The following RBFOX3 variants were observed in gnomAD, a reference collection of about 807,000 sequenced individuals.
The protein encoded by RBFOX3 is RNA binding protein fox-1 homolog 3.
RBFOX3 carries 17 observed loss-of-function variants against 48.7 expected under a neutral mutation model. That is an observed-to-expected ratio of 0.35 (90% CI 0.24 to 0.52). The LOEUF (loss-of-function observed/expected upper bound fraction) is 0.52, where lower values mean the gene tolerates loss of function less well. Ranked by LOEUF, RBFOX3 falls within the 20% of genes least tolerant of loss-of-function variation. The pLI is 0.94. For synonymous variants in RBFOX3, 212 were observed against 209.5 expected (o/e 1.01, Z -0.10); for missense variants, 382 against 497.5 (o/e 0.77, Z 2.21).
intron 1 of RBFOX3, among the ~76,000 whole-genome samples, chr17:79,578,411 T>C (rs906463978): frequency 6.6e-6 from 1 of 152,386 alleles, no homozygotes; most frequent in South Asian, 2.1e-4. Flanking sequence ...GCAGGCTCCC[T>C]GCACATCCTC....
At chr17:79,349,121 T>A (rs982685020) in intron 2 of RBFOX3, among the ~76,000 whole-genome samples, 2 of 151,838 alleles carry the variant, frequency 1.3e-5, no homozygotes, top group African/African-American at 4.8e-5. Context: ...TCCTTCCCCA[T>A]CCCCACGCCT....
At chr17:79,271,237 T>A (rs1277988259) in intron 3 of RBFOX3, among the ~76,000 whole-genome samples, 9 of 152,094 alleles carry the variant, frequency 5.9e-5, no homozygotes, top group Admixed American at 2.6e-4. Flanking sequence ...CACCATGCCC[T>A]GCTAATTTTT....
chr17:79,131,100 G>A lies in RBFOX3; in HGVS notation c.-33-15352C>T, dbSNP rs376905448. The stretch of plus-strand genomic sequence containing the variant: ...GTGTCCCGTGTGTGCTGTGTGCCCC[G>A]TGTGTGCACATGTGCGCCCCGTGTG... On this transcript the variant is annotated intron_variant, in intron 4 of 14. Coordinates refer to ENST00000693108, the MANE Select transcript of RBFOX3 (RefSeq NM_001350451.2). Among the ~76,000 whole-genome samples, 156 of 151,904 alleles carry A rather than the reference G, an allele frequency of 1.0e-3. 4 individuals carry two copies. In the East Asian group the frequency reaches 0.023, roughly 23 times the overall value.
chr17:79,287,432 G>C (rs6501295), intron 3 of RBFOX3, among the ~76,000 whole-genome samples: 76,185 of 152,040 alleles, frequency 0.5, 19,384 homozygotes, highest in East Asian at 0.56. Flanking sequence ...GGGGTAGAGT[G>C]GGGTGTTGAT....
At position 79,392,025 on chromosome 17, in the gene RBFOX3, G is replaced by A. The variant is rs779095120; in HGVS notation, c.-174-84201C>T. ...CCCCGCGATGGTCAGGCTTTCTGCC[G>A]TCTTGGAAACAGACACCGACAAGCA... On this transcript the variant is annotated intron_variant, in intron 2 of 14. Coordinates refer to ENST00000693108, the MANE Select transcript of RBFOX3 (RefSeq NM_001350451.2). The surrounding 1 kb of genome is among the most constrained non-coding windows in gnomAD (Gnocchi z 5.0). Among the ~76,000 whole-genome samples, 3 of 152,178 alleles carry A rather than the reference G, an allele frequency of 2.0e-5. No individual in the cohort carries two copies. The highest frequency in any genetic ancestry group is 4.4e-5 in the Non-Finnish European group (3 of 68,044).
intron 4 of RBFOX3, among the ~76,000 whole-genome samples, chr17:79,162,027 C>T (rs1458038741): frequency 2.0e-5 from 3 of 152,118 alleles, no homozygotes; most frequent in South Asian, 2.1e-4. Flanking sequence ...ATTACAAAAC[C>T]GCTCACAGAC....
intron 2 of RBFOX3, among the ~76,000 whole-genome samples, chr17:79,425,634 C>G (rs935634653): frequency 6.6e-6 from 1 of 152,260 alleles, no homozygotes; most frequent in African/African-American, 2.4e-5. Context: ...CACTTGGGAT[C>G]AACCTTGGGG....
intron 1 of RBFOX3, among the ~76,000 whole-genome samples, chr17:79,498,287 CAGA>C (rs1328432145): frequency 7.9e-5 from 12 of 152,166 alleles, no homozygotes; most frequent in African/African-American, 2.9e-4. Flanking sequence ...TACAATCCAA[CAGA>C]AGAATTCTGG....
Position 79,097,277 on chromosome 17 carries a change from G to T in RBFOX3, c.755+15C>A, listed in dbSNP as rs1424340282. The T allele has an allele frequency of 1.7e-6, 2 of 1,201,714 alleles. No homozygotes were observed. The highest frequency in any genetic ancestry group is 2.1e-6 in the Non-Finnish European group (2 of 933,874). The allele number at this position is 1,201,714 out of a possible 1,614,324, so 74.4% of individuals were successfully genotyped here. Reference sequence around the variant, plus strand: ...CTACCCCCTCCTCCACGCCTCCCCCGGCCCAGGTACTCACGCTCCGTAAGT... The same window carrying T: ...CTACCCCCTCCTCCACGCCTCCCCCTGCCCAGGTACTCACGCTCCGTAAGT... On this transcript the variant is annotated intron_variant, in intron 11 of 14. Transcript: ENST00000693108.
chr17:79,514,188 G>A (rs998483834), intron 1 of RBFOX3, among the ~76,000 whole-genome samples: 18 of 152,268 alleles, frequency 1.2e-4, no homozygotes, highest in South Asian at 4.1e-4. Context: ...CAGAAAACGC[G>A]GCCAACACTC....
the RBFOX3 span, among the ~76,000 whole-genome samples, chr17:79,642,097 T>G: frequency 2.8e-4 from 43 of 152,192 alleles, no homozygotes; most frequent in African/African-American, 9.6e-4. Context: ...TTATGTTAAG[T>G]GAAATAAGCC....
At chr17:79,628,657 T>C in the RBFOX3 span, among the ~76,000 whole-genome samples, 1 of 152,322 alleles carries the variant, frequency 6.6e-6, no homozygotes, top group Admixed American at 6.5e-5. Flanking sequence ...TTGCTGCACC[T>C]TCCATCATCC....
intron 4 of RBFOX3, among the ~76,000 whole-genome samples, chr17:79,219,463 C>T (rs1200068420): frequency 6.6e-6 from 1 of 152,202 alleles, no homozygotes; most frequent in Non-Finnish European, 1.5e-5. Flanking sequence ...CCTTCTTCTC[C>T]CAGTTCCGCC....
At position 79,115,627 on chromosome 17, in the gene RBFOX3, G is replaced by A. The variant is rs747394355; in HGVS notation, c.89C>T (p.Thr30Met). The part of the protein sequence containing the change: ...AEYAPPPPHP[T>M]QDYSGQTPVP... Reference sequence around the variant, plus strand: ...CGGGGTCTGGCCGGAGTAGTCCTGCGTGGGGTGCGGTGGGGGCGGGGCGTA... The same window carrying A: ...CGGGGTCTGGCCGGAGTAGTCCTGCATGGGGTGCGGTGGGGGCGGGGCGTA... Residue 30 changes from threonine to methionine, a missense_variant, in exon 5 of 15, where the codon ACG (threonine) becomes ATG (methionine). By Grantham distance (81) the Thr-to-Met change is moderately conservative. Transcript: ENST00000693108. 1.7e-4 allele frequency: 238 copies of A among 1,439,436 alleles called. No individual in the cohort carries two copies. The highest frequency in any genetic ancestry group is 2.1e-4 in the Non-Finnish European group (228 of 1,096,044). 89.2% of individuals were successfully genotyped at this position (1,439,436 alleles called of 1,614,324 possible).
At chr17:79,633,819 C>G in the RBFOX3 span, among the ~76,000 whole-genome samples, 1 of 152,156 alleles carries the variant, frequency 6.6e-6, no homozygotes, top group African/African-American at 2.4e-5. Context: ...TTTCTAAGAG[C>G]CCCGTGTCCT....
intron 4 of RBFOX3, among the ~76,000 whole-genome samples, chr17:79,153,114 G>C (rs567001314): frequency 2.0e-5 from 3 of 152,286 alleles, no homozygotes; most frequent in African/African-American, 7.2e-5. Flanking sequence ...CACTTTTCCT[G>C]CCTCACCCTG....
Position 79,319,027 on chromosome 17 carries a change from TA to T in RBFOX3, c.-174-11204del, listed in dbSNP as rs111847011. Reference sequence around the variant, plus strand: ...ACCCAAAAACTTAAAGTACAATAATTAAAAAAAAAAAGAAATTTGACTGTGG... The same window carrying T: ...ACCCAAAAACTTAAAGTACAATAATTAAAAAAAAAAGAAATTTGACTGTGG... On this transcript the variant is annotated intron_variant, in intron 2 of 14. Transcript: ENST00000693108. 2.2e-3 allele frequency among the ~76,000 whole-genome samples: 318 copies of T among 145,236 alleles called. 2 individuals carry two copies. The highest frequency in any genetic ancestry group is 6.8e-3 in the African/African-American group (270 of 39,712).
chr17:79,517,251 G>A (rs1179133993), intron 1 of RBFOX3, among the ~76,000 whole-genome samples: 2 of 152,154 alleles, frequency 1.3e-5, no homozygotes, highest in Non-Finnish European at 2.9e-5. Context: ...TTTAAGACCA[G>A]CCTGACCGAC....
intron 2 of RBFOX3, among the ~76,000 whole-genome samples, chr17:79,384,430 T>C (rs1026611550): frequency 6.6e-6 from 1 of 152,132 alleles, no homozygotes; most frequent in African/African-American, 2.4e-5. Context: ...GTACATTTCC[T>C]GGCCCAAGAG....
Sources: allele counts gnomAD v4.1 joint callset (sites outside exome capture counted in the v4.1 genomes callset), GRCh38; gene constraint gnomAD v4.1.1; non-coding constraint Gnocchi (gnomAD v3.1); transcripts MANE v1.5; gene names NCBI Gene and HGNC (gene_info 2026-07-23, HGNC 2026-07-21).